The following PGR variants were observed in gnomAD, a reference collection of about 807,000 sequenced individuals.
The protein encoded by PGR is progesterone receptor.
A neutral mutation model predicts 76.1 loss-of-function variants in PGR; 25 were observed. That is an observed-to-expected ratio of 0.33 (90% CI 0.24 to 0.46). The LOEUF is 0.46. Among genes scored for constraint, PGR ranks in the 20% least tolerant of loss-of-function variants. The pLI is 1.00. For missense variants in PGR, 1,172 were observed against 1,225.3 expected (o/e 0.96, Z 0.65); for synonymous variants, 579 against 535.0 (o/e 1.08, Z -1.14).
chr11:101,125,743 G>A (rs144057134), intron 2 of PGR, among the ~76,000 whole-genome samples: 1 of 152,254 alleles, frequency 6.6e-6, no homozygotes, highest in East Asian at 1.9e-4. Context: ...AGGAACAATA[G>A]TAGCACTGTC....
chr11:101,093,860 G>T (rs147429242), intron 2 of PGR, among the ~76,000 whole-genome samples: 6 of 152,106 alleles, frequency 3.9e-5, no homozygotes, highest in Non-Finnish European at 8.8e-5. Context: ...TCATAAATAC[G>T]CAGGAAAAAG....
chr11:101,056,770 T>C (rs768242197), intron 4 of PGR, among the ~76,000 whole-genome samples: 1 of 151,782 alleles, frequency 6.6e-6, no homozygotes, highest in Non-Finnish European at 1.5e-5. Flanking sequence ...AAACAGATAA[T>C]CTACAACAAT....
chr11:101,052,579 T>C (rs1223374037), intron 4 of PGR, among the ~76,000 whole-genome samples: 1 of 151,968 alleles, frequency 6.6e-6, no homozygotes, highest in Non-Finnish European at 1.5e-5. Flanking sequence ...TAAGGAGCAA[T>C]GGGAGTGACA....
rs1488841553 is a variant in PGR, at chr11:101,128,083, C to T, written c.988G>A (p.Asp330Asn). 72 of 1,600,162 alleles carry T rather than the reference C, an allele frequency of 4.5e-5. No individual in the cohort carries two copies. Among genetic ancestry groups the T allele is most frequent in the Non-Finnish European group, 5.6e-5 (66 of 1,179,656 alleles). Residue 330 changes from aspartate to asparagine, a missense_variant, in exon 1 of 8, where the codon GAC (aspartate) becomes AAC (asparagine). By Grantham distance (23) the Asp-to-Asn change is conservative (BLOSUM62 1). Coordinates refer to ENST00000325455, the MANE Select transcript of PGR (RefSeq NM_000926.4). ...TRQLLEDESY[D>N]GGAGAASAFA... The stretch of plus-strand genomic sequence containing the variant: ...GCGCTGGCAGCCCCGGCCCCGCCGT[C>T]GTAACTTTCGTCTTCCAGCAGCTGC...
intron 3 of PGR, among the ~76,000 whole-genome samples, chr11:101,089,405 A>G (rs1278072996): frequency 2.6e-5 from 4 of 152,222 alleles, no homozygotes; most frequent in African/African-American, 9.6e-5. Context: ...GAAGAGGCTA[A>G]GCAAAACAAA....
Position 101,126,160 on chromosome 11 carries a change from T to A in PGR, c.1638-2A>T. 6.2e-7 allele frequency: 1 copy of A among 1,613,932 alleles called. No homozygotes were observed. Among genetic ancestry groups the A allele is most frequent in the Non-Finnish European group, 8.5e-7 (1 of 1,179,862 alleles). On this transcript the variant is annotated splice_acceptor_variant, in intron 1 of 7. Coordinates refer to ENST00000325455, the MANE Select transcript of PGR (RefSeq NM_000926.4). LOFTEE classifies it high-confidence loss of function. ...CTCTGGCTGGCTTCTGAATCCGGCCTTGAAATGCAAAACAAAGTACTCCAT... is the reference window on the plus strand; with the variant it reads ...CTCTGGCTGGCTTCTGAATCCGGCCATGAAATGCAAAACAAAGTACTCCAT...
At chr11:101,051,798 A>G (rs1392427363) in intron 4 of PGR, among the ~76,000 whole-genome samples, 2 of 152,134 alleles carry the variant, frequency 1.3e-5, no homozygotes, top group African/African-American at 4.8e-5. Context: ...CATTTCTGGG[A>G]TTTTGCTAAG....
intron 4 of PGR, among the ~76,000 whole-genome samples, chr11:101,054,192 T>G (rs1480772839): frequency 2.0e-5 from 3 of 152,134 alleles, no homozygotes; most frequent in Non-Finnish European, 4.4e-5. Flanking sequence ...ATTATTTTTT[T>G]TCTTTTTCTT....
In PGR at chr11:101,076,317, G is replaced by T. The variant is rs571487119; in HGVS notation, c.1907-13565C>A. Among the ~76,000 whole-genome samples the T allele has an allele frequency of 2.0e-4, 30 of 151,878 alleles. 1 individual carries two copies. In the South Asian group the frequency reaches 5.6e-3, roughly 29 times the overall value. Reference sequence around the variant, plus strand: ...AATGTCACACACAGGGATCTGTCGGGGGGTGGGGGGCTAAGGGAGGGATAA... The same window carrying T: ...AATGTCACACACAGGGATCTGTCGGTGGGTGGGGGGCTAAGGGAGGGATAA... On this transcript the variant is annotated intron_variant, in intron 3 of 7. Coordinates refer to ENST00000325455, the MANE Select transcript of PGR (RefSeq NM_000926.4).
chr11:101,062,627 C>T lies in PGR; in HGVS notation c.2032G>A (p.Gly678Ser), dbSNP rs372100726. ...GGTGGAATCAACTGTATGTCTTGAC[C>T]TGGTGAAAAAGTGAATCTCTGGCTT... ...ALSQRFTFSP[G>S]QDIQLIPPLI... is the part of the protein sequence containing the mutation. The change falls in exon 4 of 8, where the codon GGT (glycine) becomes AGT (serine). Residue 678 changes from glycine to serine, a missense_variant. By Grantham distance (56) the Gly-to-Ser change is moderately conservative. Coordinates refer to ENST00000325455, the MANE Select transcript of PGR (RefSeq NM_000926.4). 1.2e-6 allele frequency: 2 copies of T among 1,613,952 alleles called. No individual in the cohort carries two copies. Among genetic ancestry groups the T allele is most frequent in the South Asian group, 1.1e-5 (1 of 91,080 alleles).
chr11:101,042,716 C>T (rs373859130), intron 6 of PGR, among the ~76,000 whole-genome samples: 9 of 152,128 alleles, frequency 5.9e-5, no homozygotes, highest in African/African-American at 1.4e-4. Context: ...GAGATATAGC[C>T]GGTTTGGTTC....
In PGR at chr11:101,128,811, T is replaced by C; in HGVS notation, c.260A>G (p.Tyr87Cys). 1 of 1,614,196 alleles carries C rather than the reference T, an allele frequency of 6.2e-7. No individual in the cohort carries two copies. The change falls in exon 1 of 8, where the codon TAT (tyrosine) becomes TGT (cysteine). Residue 87 changes from tyrosine to cysteine, a missense_variant. Coordinates refer to ENST00000325455, the MANE Select transcript of PGR (RefSeq NM_000926.4). The stretch of plus-strand genomic sequence containing the variant: ...ACCCCTTGTAGCTTCAGCTCTGGAA[T>C]ATGCGCCCTCCACGTCCGACAGCGA... ...QQSLSDVEGA[Y>C]SRAEATRGAG...
intron 2 of PGR, among the ~76,000 whole-genome samples, chr11:101,099,128 C>T (rs1861922995): frequency 6.6e-6 from 1 of 152,120 alleles, no homozygotes; most frequent in African/African-American, 2.4e-5. Flanking sequence ...ATATTTATAG[C>T]AGCAGTGTTC....
Position 101,128,687 on chromosome 11 carries a change from T to C in PGR, c.384A>G (p.Gln128=). The part of the protein sequence containing the change: ...LLAPSGPGQS[Q]PSPPACEVTS... ...TGACCTCGCAGGCGGGAGGGCTGGG[T>C]TGGCTCTGCCCGGGACCTGAGGGCG... The change falls in exon 1 of 8, where the codon CAA becomes CAG. Residue 128 remains glutamine, a synonymous_variant. Coordinates refer to ENST00000325455, the MANE Select transcript of PGR (RefSeq NM_000926.4). 6.2e-7 allele frequency: 1 copy of C among 1,602,260 alleles called. No individual in the cohort carries two copies.
At chr11:101,097,107 T>C (rs895124584) in intron 2 of PGR, among the ~76,000 whole-genome samples, 9 of 152,166 alleles carry the variant, frequency 5.9e-5, no homozygotes, top group African/African-American at 1.9e-4. Context: ...TAGAGCACTA[T>C]GCTTCTTTCT....
chr11:101,093,448 A>T (rs1157715521), intron 2 of PGR, among the ~76,000 whole-genome samples: 1 of 152,154 alleles, frequency 6.6e-6, no homozygotes, highest in Non-Finnish European at 1.5e-5. Context: ...AGAGAACAGA[A>T]AATAGCAAGA....
chr11:101,128,495 G>A lies in PGR; in HGVS notation c.576C>T (p.Ala192=). The change falls in exon 1 of 8, where the codon GCC becomes GCT. Residue 192 remains alanine, a synonymous_variant. Transcript: ENST00000325455. ...HKVLPRGLSP[A]RQLLLPASES... is the part of the protein sequence containing the mutation. ...CAGAGGCCGGGAGCAGCAGCTGCCG[G>A]GCTGGTGACAGGCCCCGGGGCAGCA... 6.2e-7 allele frequency: 1 copy of A among 1,605,778 alleles called. No homozygotes were observed. The highest frequency in any genetic ancestry group is 8.5e-7 in the Non-Finnish European group (1 of 1,178,814).
At chr11:101,110,380 T>C (rs1322823590) in intron 2 of PGR, among the ~76,000 whole-genome samples, 1 of 152,150 alleles carries the variant, frequency 6.6e-6, no homozygotes, top group Non-Finnish European at 1.5e-5. Flanking sequence ...TTGGAAGAAG[T>C]TGATTCAAAC....
At chr11:101,117,797 GAC>G (rs150820136) in intron 2 of PGR, among the ~76,000 whole-genome samples, 2,942 of 152,238 alleles carry the variant, frequency 0.019, 44 homozygotes, top group Middle Eastern at 0.031. Flanking sequence ...AACTACTGCA[GAC>G]ACATCTCTGC....
Sources: gnomAD v4.1 joint callset for allele counts (sites outside exome capture counted in the v4.1 genomes callset) on GRCh38, gnomAD v4.1.1 for gene constraint, MANE v1.5 for transcripts, NCBI Gene and HGNC (gene_info 2026-07-23, HGNC 2026-07-21) for gene names.